Variants in DOCK3 observed in about 807,000 individuals in gnomAD.
DOCK3 encodes dedicator of cytokinesis protein 3.
A neutral mutation model predicts 265.6 loss-of-function variants in DOCK3; 60 were observed. That is an observed-to-expected ratio of 0.23 (90% CI 0.18 to 0.28). The LOEUF is 0.28. Ranked by LOEUF, DOCK3 falls within the 10% of genes least tolerant of loss-of-function variation. The probability of loss-of-function intolerance (pLI) is 1.00; values close to 1 mark genes in which losing one functional copy is unlikely to be tolerated. For missense variants in DOCK3, 1,981 were observed against 2,594.3 expected (o/e 0.76, Z 5.14); for synonymous variants, 881 against 938.0 (o/e 0.94, Z 1.11).
chr3:51,304,452 C>A (rs2082536226), intron 27 of DOCK3, among the ~76,000 whole-genome samples: 1 of 152,108 alleles, frequency 6.6e-6, no homozygotes, highest in Admixed American at 6.5e-5. Flanking sequence ...TCCCCCTCCT[C>A]CCCTGCTCAG....
At chr3:51,264,259 T>G (rs1451660979) in intron 23 of DOCK3, among the ~76,000 whole-genome samples, 1 of 152,058 alleles carries the variant, frequency 6.6e-6, no homozygotes, top group Admixed American at 6.5e-5. Flanking sequence ...AGAAACTCAC[T>G]CAAAACCACA....
At chr3:51,201,970 C>A (rs1349015570) in intron 12 of DOCK3, among the ~76,000 whole-genome samples, 1 of 152,102 alleles carries the variant, frequency 6.6e-6, no homozygotes, top group African/African-American at 2.4e-5. Context: ...TTCTTTGAAA[C>A]CAATGAGAAC....
At chr3:51,291,058 CAA>C (rs1308544231) in intron 27 of DOCK3, among the ~76,000 whole-genome samples, 1 of 152,128 alleles carries the variant, frequency 6.6e-6, no homozygotes, top group Admixed American at 6.5e-5. Context: ...GCCTGGGCAA[CAA>C]GAGTGAAACT....
chr3:51,181,064 G>A (rs559172927), intron 12 of DOCK3, among the ~76,000 whole-genome samples: 7 of 152,254 alleles, frequency 4.6e-5, no homozygotes, highest in African/African-American at 1.2e-4. Context: ...GTATATACAC[G>A]TACAGGCTAT....
At chr3:50,858,934 G>C (rs2046763154) in intron 3 of DOCK3, among the ~76,000 whole-genome samples, 1 of 151,858 alleles carries the variant, frequency 6.6e-6, no homozygotes, top group South Asian at 2.1e-4. Flanking sequence ...CCTTAGCTTG[G>C]TTATTCTCAT....
At chr3:50,683,695 A>T (rs1249344304) in intron 1 of DOCK3, among the ~76,000 whole-genome samples, 4 of 152,204 alleles carry the variant, frequency 2.6e-5, no homozygotes, top group Non-Finnish European at 4.4e-5. Context: ...ATGGGGAGTG[A>T]GAAAGAAATA....
chr3:51,368,134 T>C (rs1240179321), intron 49 of DOCK3, among the ~76,000 whole-genome samples: 1 of 152,004 alleles, frequency 6.6e-6, no homozygotes, highest in East Asian at 1.9e-4. Context: ...ACACAACGAG[T>C]CTGCAGCTCC....
At position 50,800,801 on chromosome 3, in the gene DOCK3, T is replaced by C. The variant is rs562238009; in HGVS notation, c.121+22043T>C. ...TAGTTTTTTTAATTTCAGCATATAT[T>C]TCCCTGAAGTTTCCTCTTAATACTG... On this transcript the variant is annotated intron_variant, in intron 2 of 52. Transcript: ENST00000266037. Among the ~76,000 whole-genome samples, 6 of 152,264 alleles carry C rather than the reference T, an allele frequency of 3.9e-5. No homozygotes were observed. In the East Asian group the frequency reaches 9.6e-4, roughly 24 times the overall value.
chr3:50,937,581 G>A (rs971279855), intron 5 of DOCK3, among the ~76,000 whole-genome samples: 5 of 151,952 alleles, frequency 3.3e-5, no homozygotes, highest in East Asian at 1.9e-4. Context: ...GCATGAACCC[G>A]GAAGGCAGAG....
chr3:50,720,815 C>T (rs2037435279), intron 1 of DOCK3, among the ~76,000 whole-genome samples: 1 of 152,186 alleles, frequency 6.6e-6, no homozygotes, highest in Admixed American at 6.5e-5. Context: ...TACATTTCCA[C>T]CAGCAGTGTA....
chr3:50,896,751 T>C (rs1017230310), intron 4 of DOCK3, among the ~76,000 whole-genome samples: 1 of 152,232 alleles, frequency 6.6e-6, no homozygotes, highest in Non-Finnish European at 1.5e-5. Context: ...TAGGCAATCA[T>C]TTCCCCATTG....
intron 13 of DOCK3, among the ~76,000 whole-genome samples, chr3:51,212,623 A>G (rs1052787024): frequency 2.6e-4 from 40 of 152,178 alleles, no homozygotes; most frequent in Admixed American, 4.6e-4. Flanking sequence ...AGGTGAGGGC[A>G]GATATATCCC....
intron 12 of DOCK3, among the ~76,000 whole-genome samples, chr3:51,199,622 A>G (rs2088574328): frequency 6.6e-6 from 1 of 152,222 alleles, no homozygotes; most frequent in Non-Finnish European, 1.5e-5. Context: ...GCACAGACAA[A>G]CAAAAAGACA....
At position 51,315,138 on chromosome 3, in the gene DOCK3, C is replaced by T. The variant is rs1030359502; in HGVS notation, c.3402+10C>T. 5 of 1,596,800 alleles carry T rather than the reference C, an allele frequency of 3.1e-6. No homozygotes were observed. The highest frequency in any genetic ancestry group is 3.3e-4 in the Middle Eastern group (2 of 6,004). On this transcript the variant is annotated intron_variant, in intron 32 of 52. Transcript: ENST00000266037. ...TGGCAACTTCAAACAGGTAAGACAC[C>T]TGGCAGTGTTCGGGGTATTCTCTGG...
At chr3:51,021,765 G>T (rs370628431) in intron 5 of DOCK3, among the ~76,000 whole-genome samples, 2 of 150,900 alleles carry the variant, frequency 1.3e-5, no homozygotes, top group East Asian at 2.0e-4. Flanking sequence ...GCATTCAAGC[G>T]ATTCTCCTGC....
intron 5 of DOCK3, among the ~76,000 whole-genome samples, chr3:50,971,852 A>C (rs2077245578): frequency 6.6e-6 from 1 of 152,222 alleles, no homozygotes; most frequent in Admixed American, 6.5e-5. Context: ...CCCCAGTGCC[A>C]GGCACAAGCA....
chr3:51,038,905 G>T (rs1051107578), intron 5 of DOCK3, among the ~76,000 whole-genome samples: 1 of 151,556 alleles, frequency 6.6e-6, no homozygotes, highest in African/African-American at 2.4e-5. Flanking sequence ...ATTTCCAAAA[G>T]ATTTTATATA....
chr3:51,149,601 G>C (rs899950095), intron 10 of DOCK3, among the ~76,000 whole-genome samples: 1 of 152,188 alleles, frequency 6.6e-6, no homozygotes, highest in East Asian at 1.9e-4. Flanking sequence ...AGATAATCAT[G>C]TGGTTTTTGT....
At chr3:50,927,156 G>C (rs1287919724) in intron 4 of DOCK3, among the ~76,000 whole-genome samples, 1 of 152,038 alleles carries the variant, frequency 6.6e-6, no homozygotes, top group African/African-American at 2.4e-5. Flanking sequence ...GATTAGCTTT[G>C]TCACTTCCTT....
Sources: allele counts gnomAD v4.1 joint callset (sites outside exome capture counted in the v4.1 genomes callset), GRCh38; gene constraint gnomAD v4.1.1; transcripts MANE v1.5; gene names NCBI Gene and HGNC (gene_info 2026-07-23, HGNC 2026-07-21).